The following GRM7 variants were observed in gnomAD, a reference collection of about 807,000 sequenced individuals.
GRM7 encodes glutamate metabotropic receptor 7, also known as metabotropic glutamate receptor 7.
GRM7 carries 35 observed loss-of-function variants against 84.5 expected under a neutral mutation model. The ratio of observed to expected loss-of-function variants is 0.41; its 90% confidence interval spans 0.32 to 0.55. The LOEUF (loss-of-function observed/expected upper bound fraction) is 0.55. Ranked by LOEUF, GRM7 falls within the 20% of genes least tolerant of loss-of-function variation. The pLI is 0.19. For synonymous variants in GRM7, 487 were observed against 455.1 expected (o/e 1.07, Z -0.89); for missense variants, 1,003 against 1,194.6 (o/e 0.84, Z 2.36).
intron 7 of GRM7, among the ~76,000 whole-genome samples, chr3:7,472,034 G>T (rs1698723160): frequency 6.6e-6 from 1 of 152,144 alleles, no homozygotes; most frequent in African/African-American, 2.4e-5. Flanking sequence ...CCTCGGAGGT[G>T]AGTGAGTTTT....
At chr3:7,653,704 G>T (rs1699057970) in intron 8 of GRM7, among the ~76,000 whole-genome samples, 1 of 152,168 alleles carries the variant, frequency 6.6e-6, no homozygotes, top group Non-Finnish European at 1.5e-5. Flanking sequence ...TAAGTGGATG[G>T]TGCATGTTCC....
intron 2 of GRM7, among the ~76,000 whole-genome samples, chr3:7,251,995 G>A (rs1002884605): frequency 1.3e-5 from 2 of 152,168 alleles, no homozygotes; most frequent in Admixed American, 6.5e-5. Flanking sequence ...TATTTAAAGT[G>A]GGGATTGGGA....
At chr3:7,639,161 T>C (rs760346555) in intron 8 of GRM7, among the ~76,000 whole-genome samples, 13 of 152,162 alleles carry the variant, frequency 8.5e-5, no homozygotes, top group Non-Finnish European at 1.3e-4. Flanking sequence ...ATCTCCCCAT[T>C]TCTCCACTAT....
chr3:7,249,832 C>A (rs1697912947), intron 2 of GRM7, among the ~76,000 whole-genome samples: 1 of 152,102 alleles, frequency 6.6e-6, no homozygotes, highest in Non-Finnish European at 1.5e-5. Flanking sequence ...AGTGGCTTTG[C>A]CTGCAAGTCA....
intron 1 of GRM7, among the ~76,000 whole-genome samples, chr3:6,988,115 G>A (rs112303089): frequency 0.054 from 7,900 of 146,404 alleles, 267 homozygotes; most frequent in Non-Finnish European, 0.075. Flanking sequence ...TCCTGCCTCA[G>A]CCTCCAGAGT....
intron 9 of GRM7, among the ~76,000 whole-genome samples, chr3:7,708,213 T>G (rs1438183873): frequency 6.6e-6 from 1 of 152,130 alleles, no homozygotes; most frequent in Non-Finnish European, 1.5e-5. Context: ...TTTGTCTCAT[T>G]TATTTTATTT....
chr3:7,134,374 A>T (rs545278940), intron 1 of GRM7, among the ~76,000 whole-genome samples: 6 of 152,272 alleles, frequency 3.9e-5, no homozygotes, highest in African/African-American at 1.4e-4. Flanking sequence ...TCAAAATATG[A>T]GGTGTGTAAG....
At chr3:6,927,296 T>G (rs147867965) in intron 1 of GRM7, among the ~76,000 whole-genome samples, 1 of 151,744 alleles carries the variant, frequency 6.6e-6, no homozygotes. Flanking sequence ...GGCATGGTGG[T>G]GCATGCTTGT....
rs75700070 is a variant in GRM7 at position 6,907,486 on chromosome 3, C to A, written c.519+45579C>A. On this transcript the variant is annotated intron_variant, in intron 1 of 9. Transcript: ENST00000357716. ...AACAGCAAGGTCTAAAATCAAAGAA[C>A]TATAGTTAAAACTAAAGAAAAAGCT... 4.6e-5 allele frequency among the ~76,000 whole-genome samples: 7 copies of A among 152,186 alleles called. No individual in the cohort carries two copies. The East Asian group carries it at 1.4e-3, about 29-fold the overall frequency.
chr3:6,999,932 T>C (rs1559376461), intron 1 of GRM7, among the ~76,000 whole-genome samples: 2 of 152,218 alleles, frequency 1.3e-5, no homozygotes, highest in African/African-American at 2.4e-5. Context: ...GTAGCATAAA[T>C]GAATATAATT....
In GRM7 at chr3:7,179,662, A is replaced by G. The variant is rs530490857; in HGVS notation, c.736+32994A>G. On this transcript the variant is annotated intron_variant, in intron 2 of 9. Coordinates refer to ENST00000357716, the MANE Select transcript of GRM7 (RefSeq NM_000844.4). ...CTCTCCTGCCCTACAGACACCTTGT[A>G]ACTTGCCTCCTACTTGATTCATTCA... Among the ~76,000 whole-genome samples, 3 of 152,338 alleles carry G rather than the reference A, an allele frequency of 2.0e-5. No individual in the cohort carries two copies. The South Asian group carries it at 6.2e-4, about 32-fold the overall frequency.
intron 6 of GRM7, among the ~76,000 whole-genome samples, chr3:7,455,754 A>G (rs146494537): frequency 1.9e-3 from 286 of 152,316 alleles, no homozygotes; most frequent in Non-Finnish European, 2.8e-3. Context: ...ATCTTATGCT[A>G]GAAAAAACAC....
intron 4 of GRM7, among the ~76,000 whole-genome samples, chr3:7,365,483 C>T (rs905912121): frequency 6.6e-6 from 1 of 151,496 alleles, no homozygotes; most frequent in Non-Finnish European, 1.5e-5. Flanking sequence ...CTGATTATCT[C>T]TTTACGTATA....
At chr3:7,485,116 C>G (rs1030003144) in intron 7 of GRM7, among the ~76,000 whole-genome samples, 2 of 152,144 alleles carry the variant, frequency 1.3e-5, no homozygotes, top group African/African-American at 4.8e-5. Flanking sequence ...GAAACTTAGA[C>G]CTCACTGACA....
chr3:7,681,346 CTCTTGAAGAAA>C (rs1420263033), intron 9 of GRM7: 1 of 152,282 alleles, frequency 6.6e-6, no homozygotes, highest in Non-Finnish European at 1.5e-5. Context: ...ATTTTAAGTA[CTCTTGAAGAAA>C]TCCTTTTTGC....
At chr3:7,532,561 C>CA (rs1404857117) in intron 7 of GRM7, among the ~76,000 whole-genome samples, 2 of 151,848 alleles carry the variant, frequency 1.3e-5, no homozygotes, top group Admixed American at 1.3e-4. Flanking sequence ...TTAATCTTTT[C>CA]AAAAAACCAG....
intron 8 of GRM7, among the ~76,000 whole-genome samples, chr3:7,660,319 C>A (rs1228885036): frequency 6.6e-6 from 1 of 152,122 alleles, no homozygotes; most frequent in East Asian, 1.9e-4. Context: ...ATGAAGCTTT[C>A]TTGGCAAAAA....
chr3:7,097,189 C>T (rs1698886616), intron 1 of GRM7, among the ~76,000 whole-genome samples: 1 of 152,010 alleles, frequency 6.6e-6, no homozygotes, highest in South Asian at 2.1e-4. Context: ...CTGACCTCAC[C>T]CAGATGGGGA....
intron 4 of GRM7, among the ~76,000 whole-genome samples, chr3:7,325,597 A>C (rs1700952564): frequency 6.6e-6 from 1 of 152,190 alleles, no homozygotes; most frequent in Non-Finnish European, 1.5e-5. Flanking sequence ...TGAGGGATAG[A>C]TATCCCAGCC....
Sources: allele counts gnomAD v4.1 joint callset (sites outside exome capture counted in the v4.1 genomes callset), GRCh38; gene constraint gnomAD v4.1.1; transcripts MANE v1.5; gene names NCBI Gene and HGNC (gene_info 2026-07-23, HGNC 2026-07-21).